The following CEP128 variants were observed in gnomAD, a reference collection of about 807,000 sequenced individuals.
CEP128 encodes the protein centrosomal protein 128.
In CEP128, 132 loss-of-function variants were observed where a neutral mutation model predicts 156.7. The ratio of observed to expected loss-of-function variants is 0.84; its 90% CI spans 0.73 to 0.97. The LOEUF is 0.97. Among genes scored for constraint, CEP128 ranks in the 50% least tolerant of loss-of-function variants. The pLI, the probability that CEP128 is intolerant of heterozygous loss-of-function variation, is 0.00. For synonymous variants in CEP128, 469 were observed against 448.9 expected (o/e 1.04, Z -0.57); for missense variants, 1,252 against 1,281.9 (o/e 0.98, Z 0.36).
Position 80,862,815 on chromosome 14 carries a change from C to T in CEP128, c.704G>A (p.Arg235Lys). ...ATCCTGGCGTCTTTCCACCAGCTCC[C>T]TTTCTGTGCGCATCTCTCTCTCCAG... ...QELEREMRTERELVERRQDQL... is the reference protein window; with the variant it reads ...QELEREMRTEKELVERRQDQL... The change falls in exon 9 of 25, where the codon AGG becomes AAG. Residue 235 changes from arginine (R) to lysine (K), a missense_variant. By Grantham distance (26) the Arg-to-Lys change is conservative. Transcript: ENST00000555265. The T allele has an allele frequency of 6.2e-7, 1 of 1,614,080 alleles. No homozygotes were observed. The highest frequency in any genetic ancestry group is 8.5e-7 in the Non-Finnish European group (1 of 1,179,964).
chr14:80,738,415 C>T (rs1465428883), intron 19 of CEP128, among the ~76,000 whole-genome samples: 1 of 151,928 alleles, frequency 6.6e-6, no homozygotes, highest in African/African-American at 2.4e-5. Context: ...AATGATGAAA[C>T]CAAAGGAATA....
intron 21 of CEP128, among the ~76,000 whole-genome samples, chr14:80,553,081 TTC>T (rs1555374103): frequency 0.017 from 2,046 of 117,818 alleles, 41 homozygotes; most frequent in African/African-American, 0.07. Context: ...CTTTCTTTCT[TTC>T]TTTTTTTTAA....
intron 8 of CEP128, among the ~76,000 whole-genome samples, chr14:80,873,821 G>A (rs538243130): frequency 1.5e-4 from 23 of 152,064 alleles, no homozygotes; most frequent in South Asian, 6.2e-4. Flanking sequence ...TTAACATCAC[G>A]AATATTTTAA....
Position 80,650,785 on chromosome 14 carries a change from A to G in CEP128, c.2807-70362T>C, listed in dbSNP as rs148435623. 3.1e-3 allele frequency among the ~76,000 whole-genome samples: 478 copies of G among 152,250 alleles called. 3 individuals are homozygous for G. The highest frequency in any genetic ancestry group is 0.02 in the Middle Eastern group (6 of 294). On this transcript the variant is annotated intron_variant, in intron 19 of 24. Transcript: ENST00000555265. ...GATGAAGCCTGCTTGATCATGGTGG[A>G]TAAGCTTTTTGATGTGCTGCTGGAT...
intron 2 of CEP128, among the ~76,000 whole-genome samples, chr14:80,928,733 G>A (rs191436586): frequency 5.9e-5 from 9 of 152,040 alleles, no homozygotes; most frequent in East Asian, 1.9e-4. Flanking sequence ...TAATTAACTC[G>A]AGATGGATTA....
At chr14:80,709,192 T>G (rs946523301) in intron 19 of CEP128, among the ~76,000 whole-genome samples, 2 of 151,904 alleles carry the variant, frequency 1.3e-5, no homozygotes, top group Admixed American at 1.3e-4. Context: ...CAGGCTGACG[T>G]GCAATGGCAT....
intron 19 of CEP128, among the ~76,000 whole-genome samples, chr14:80,656,810 G>T (rs531994337): frequency 6.6e-6 from 1 of 152,218 alleles, no homozygotes; most frequent in East Asian, 1.9e-4. Flanking sequence ...GTTTTTGCTG[G>T]TTGTGGGTAC....
intron 19 of CEP128, among the ~76,000 whole-genome samples, chr14:80,589,755 T>C (rs1450672132): frequency 6.6e-6 from 1 of 152,138 alleles, no homozygotes; most frequent in Non-Finnish European, 1.5e-5. Flanking sequence ...TGGTATGTAA[T>C]ACCCCAAGGG....
Position 80,785,371 on chromosome 14 carries a change from A to G in CEP128, c.1735T>C (p.Leu579=). 33 of 1,614,130 alleles carry G rather than the reference A, an allele frequency of 2.0e-5. No individual in the cohort carries two copies. Among genetic ancestry groups the G allele is most frequent in the Non-Finnish European group, 2.7e-5 (32 of 1,180,014 alleles). The change falls in exon 15 of 25, where the codon TTG becomes CTG. Residue 579 remains leucine (L), a synonymous_variant. Coordinates refer to ENST00000555265, the MANE Select transcript of CEP128 (RefSeq NM_152446.5). ...DIKSHQADLE[L]EVKNSLDTIH... ...GTATCCAGGGAATTCTTAACTTCCAATTCAAGGTCAGCTTGATGAGACTTA... is the reference window on the plus strand; with the variant it reads ...GTATCCAGGGAATTCTTAACTTCCAGTTCAAGGTCAGCTTGATGAGACTTA...
chr14:80,906,116 C>A (rs1245675881), intron 4 of CEP128, 35 bp from the exon 5 acceptor site: 2 of 1,462,902 alleles, frequency 1.4e-6, no homozygotes, highest in Non-Finnish European at 1.8e-6. Flanking sequence ...AAGCGTTATT[C>A]TTCTTAAACA....
At chr14:80,611,603 C>T (rs766575940) in intron 19 of CEP128, among the ~76,000 whole-genome samples, 19 of 152,206 alleles carry the variant, frequency 1.2e-4, no homozygotes, top group Non-Finnish European at 2.2e-4. Flanking sequence ...GGGTAAGCCT[C>T]CAGTATAGGA....
intron 8 of CEP128, among the ~76,000 whole-genome samples, chr14:80,885,345 G>C (rs527694780): frequency 4.6e-5 from 7 of 152,326 alleles, no homozygotes; most frequent in Admixed American, 3.3e-4. Flanking sequence ...TCACCTCTCA[G>C]CAGGGGTCAA....
rs80213488 is a variant in CEP128, at chr14:80,633,834, C to T, written c.2807-53411G>A. Among the ~76,000 whole-genome samples, 9 of 152,244 alleles carry T rather than the reference C, an allele frequency of 5.9e-5. No homozygotes were observed. The East Asian group carries it at 1.7e-3, about 29-fold the overall frequency. ...ATAAATGTGTGCCCATGGGAGGTGT[C>T]CCATCCATTCTTGGTATTAAAAAAA... On this transcript the variant is annotated intron_variant, in intron 19 of 24. Transcript: ENST00000555265.
intron 13 of CEP128, among the ~76,000 whole-genome samples, chr14:80,795,135 T>C (rs139810012): frequency 3.9e-5 from 6 of 152,290 alleles, no homozygotes; most frequent in Non-Finnish European, 8.8e-5. Flanking sequence ...CTAGAGCCCA[T>C]GTTATCAACC....
intron 18 of CEP128, among the ~76,000 whole-genome samples, chr14:80,749,533 C>A (rs1037986366): frequency 6.6e-6 from 1 of 152,042 alleles, no homozygotes; most frequent in Non-Finnish European, 1.5e-5. Context: ...AAAAGGAAGA[C>A]GAACTTCACA....
intron 19 of CEP128, among the ~76,000 whole-genome samples, chr14:80,600,366 G>C (rs1892529245): frequency 6.6e-6 from 1 of 152,048 alleles, no homozygotes; most frequent in Admixed American, 6.5e-5. Flanking sequence ...TAGAGAAAAA[G>C]AGATAATCTT....
chr14:80,863,460 G>A (rs117863545), intron 8 of CEP128, among the ~76,000 whole-genome samples: 1,764 of 152,254 alleles, frequency 0.012, 28 homozygotes, highest in South Asian at 0.082. Flanking sequence ...GACTCTAAAC[G>A]TGAAAGAAAG....
chr14:80,930,641 T>C (rs1403519986), intron 2 of CEP128, among the ~76,000 whole-genome samples: 4 of 152,204 alleles, frequency 2.6e-5, no homozygotes, highest in African/African-American at 7.2e-5. Context: ...TGACCAGCTA[T>C]GCAATAAAGC....
chr14:80,827,901 T>C (rs1266461338), intron 13 of CEP128, among the ~76,000 whole-genome samples: 1 of 152,110 alleles, frequency 6.6e-6, no homozygotes, highest in Non-Finnish European at 1.5e-5. Context: ...TACTTTTGCA[T>C]TGACCCACAC....
Sources: allele counts gnomAD v4.1 joint callset (sites outside exome capture counted in the v4.1 genomes callset), GRCh38; gene constraint gnomAD v4.1.1; transcripts MANE v1.5; gene names NCBI Gene and HGNC (gene_info 2026-07-23, HGNC 2026-07-21).